Variants in C18orf32 observed in about 807,000 individuals in gnomAD.
C18orf32 encodes the protein UPF0729 protein C18orf32.
Under a neutral mutation model 7.4 loss-of-function variants are expected in C18orf32, and 5 were observed. That is an observed-to-expected ratio of 0.68 (90% CI 0.35 to 1.42). The LOEUF (loss-of-function observed/expected upper bound fraction) is 1.42, where lower values mean the gene tolerates loss of function less well. C18orf32 is among the 40% of genes most tolerant of loss of function. C18orf32 has a pLI of 0.04. For synonymous variants in C18orf32, 30 were observed against 29.3 expected (o/e 1.02, Z -0.08); for missense variants, 88 against 92.4 (o/e 0.95, Z 0.19).
At chr18:49,485,012 G>A (rs1212146283) in intron 1 of C18orf32, among the ~76,000 whole-genome samples, 1 of 151,954 alleles carries the variant, frequency 6.6e-6, no homozygotes, top group East Asian at 1.9e-4. Context: ...AACCCGGGAG[G>A]TAGAGGTTGC....
chr18:49,482,869 G>C (rs574817565), intron 2 of C18orf32, among the ~76,000 whole-genome samples: 21 of 149,374 alleles, frequency 1.4e-4, no homozygotes, highest in Admixed American at 1.3e-3. Context: ...TGTGATCTCG[G>C]CTCACTGAAA....
At position 49,479,130 on chromosome 18, in the gene C18orf32, C is replaced by T. The variant is rs1399526310; in HGVS notation, c.*3215G>A. On this transcript the variant is annotated 3_prime_UTR_variant, in exon 3 of 3. Transcript: ENST00000318240. ...GAAATGAGAAAGGCCTTAGGAGACCCGCAGCTCTCTGGAAAACAGGCTTAA... is the reference window on the plus strand; with the variant it reads ...GAAATGAGAAAGGCCTTAGGAGACCTGCAGCTCTCTGGAAAACAGGCTTAA... The T allele has an allele frequency of 1.3e-5, 2 of 152,148 alleles. No individual in the cohort carries two copies. Among genetic ancestry groups the T allele is most frequent in the Non-Finnish European group, 2.9e-5 (2 of 68,044 alleles). The allele number at this position is 152,148 out of a possible 1,614,324, so 9.4% of individuals were successfully genotyped here.
At position 49,487,067 on chromosome 18, in the gene C18orf32, G is replaced by A. The variant is rs2083766013; in HGVS notation, c.-48C>T. On this transcript the variant is annotated 5_prime_UTR_variant, in exon 1 of 3. Transcript: ENST00000318240. ...CCCTGAGAGCGAAGGCAGGCACCGC[G>A]GAGGCCGGCGGGCCGCGACCGCCGA... is the stretch of plus-strand genomic sequence containing the variant. 6.5e-6 allele frequency: 1 copy of A among 153,520 alleles called. No individual in the cohort carries two copies. The highest frequency in any genetic ancestry group is 2.4e-5 in the African/African-American group (1 of 41,454). 9.5% of individuals were successfully genotyped at this position (153,520 alleles called of 1,614,324 possible).
At position 49,479,627 on chromosome 18, in the gene C18orf32, T is replaced by C. The variant is rs75242487; in HGVS notation, c.*2718A>G. ...AAAAATAAAAGAAGTCAGGTGGAGT[T>C]GGCTGCCTGGAGTGTTCCTTGAGGC... is the stretch of plus-strand genomic sequence containing the variant. On this transcript the variant is annotated 3_prime_UTR_variant, in exon 3 of 3. Transcript: ENST00000318240. 0.049 allele frequency: 7,479 copies of C among 152,524 alleles called. 221 individuals carry two copies. Among genetic ancestry groups the C allele is most frequent in the Middle Eastern group, 0.099 (29 of 292 alleles). The allele number at this position is 152,524 out of a possible 1,614,324, so 9.4% of individuals were successfully genotyped here.
chr18:49,483,575 T>C lies in C18orf32; in HGVS notation c.165+9A>G, dbSNP rs760295150. 2 of 1,588,762 alleles carry C rather than the reference T, an allele frequency of 1.3e-6. No individual in the cohort carries two copies. The highest frequency in any genetic ancestry group is 1.2e-5 in the South Asian group (1 of 86,816). ...ACTGCTCTTATTCAAGGCATGTGAATGTTCTTACCTTAAAGTTTACTTTGC... is the reference window on the plus strand; with the variant it reads ...ACTGCTCTTATTCAAGGCATGTGAACGTTCTTACCTTAAAGTTTACTTTGC... On this transcript the variant is annotated intron_variant, in intron 2 of 2. Transcript: ENST00000318240.
intron 2 of C18orf32, among the ~76,000 whole-genome samples, chr18:49,483,258 A>AT (rs937752155): frequency 2.0e-5 from 3 of 151,710 alleles, no homozygotes; most frequent in African/African-American, 4.9e-5. Flanking sequence ...TTTTAAAAAA[A>AT]TTGTTTTTTT....
At chr18:49,482,436 T>G in intron 2 of C18orf32, 26 bp from the exon 3 acceptor site, 1 of 1,570,334 alleles carries the variant, frequency 6.4e-7, no homozygotes, top group South Asian at 1.1e-5. Context: ...ATTTTAGAAA[T>G]TATCATAACA....
rs1250151246 is a variant in C18orf32, at chr18:49,481,011, T to C, written c.*1334A>G. On this transcript the variant is annotated 3_prime_UTR_variant, in exon 3 of 3. Coordinates refer to ENST00000318240, the MANE Select transcript of C18orf32 (RefSeq NM_001035005.4). ...CCTCTGTGGAGCTGGAATAAGGGAATGAGAGTTGAGAAAAAACATTCGCTT... is the reference window on the plus strand; with the variant it reads ...CCTCTGTGGAGCTGGAATAAGGGAACGAGAGTTGAGAAAAAACATTCGCTT... 2 of 152,148 alleles carry C rather than the reference T, an allele frequency of 1.3e-5. No individual in the cohort carries two copies. Among genetic ancestry groups the C allele is most frequent in the Non-Finnish European group, 2.9e-5 (2 of 68,030 alleles). 9.4% of individuals were successfully genotyped at this position (152,148 alleles called of 1,614,324 possible).
chr18:49,487,002 GGGGCGGA>G (rs1045952039), intron 1 of C18orf32, 34 bp downstream of exon 1: 2 of 151,888 alleles, frequency 1.3e-5, no homozygotes, highest in African/African-American at 4.8e-5. Flanking sequence ...AGGGGAGGGC[GGGGCGGA>G]GGGCGGAGGA....
intron 2 of C18orf32, among the ~76,000 whole-genome samples, chr18:49,482,806 T>C (rs2083680010): frequency 6.6e-6 from 1 of 150,652 alleles, no homozygotes; most frequent in Non-Finnish European, 1.5e-5. Flanking sequence ...CTCTCTTTTT[T>C]TTTTTTTTTG....
At position 49,483,791 on chromosome 18, in the gene C18orf32, A is replaced by G. The variant is rs761794204; in HGVS notation, c.-23-20T>C. The G allele has an allele frequency of 3.0e-5, 48 of 1,583,022 alleles. No individual in the cohort carries two copies. Among genetic ancestry groups the G allele is most frequent in the Non-Finnish European group, 3.3e-5 (39 of 1,173,010 alleles). ...CCTCAACTGTTGATATATGTGAAGA[A>G]AAAAATTAGTTCATCACAGATTAGT... On this transcript the variant is annotated intron_variant, in intron 1 of 2. Coordinates refer to ENST00000318240, the MANE Select transcript of C18orf32 (RefSeq NM_001035005.4).
chr18:49,480,752 C>CAA lies in C18orf32; in HGVS notation c.*1592_*1593insTT, dbSNP rs1256365088. 2.6e-5 allele frequency: 4 copies of CAA among 152,034 alleles called. No individual in the cohort carries two copies. Among genetic ancestry groups the CAA allele is most frequent in the Non-Finnish European group, 5.9e-5 (4 of 68,014 alleles). 9.4% of individuals were successfully genotyped at this position (152,034 alleles called of 1,614,324 possible). A position where few individuals can be genotyped will look rare whatever the true frequency, so the allele number is the denominator to read the frequency against. On this transcript the variant is annotated 3_prime_UTR_variant, in exon 3 of 3. Transcript: ENST00000318240. Reference sequence around the variant, plus strand: ...TGCTGCTGCACTCCAGCTTGAGTGACAGAGTGAGACCCTGTCTCAAAAACA... The same window carrying CAA: ...TGCTGCTGCACTCCAGCTTGAGTGACAAAGAGTGAGACCCTGTCTCAAAAACA...
chr18:49,486,986 G>C (rs2083762111), intron 1 of C18orf32, 57 bp downstream of exon 1: 1 of 152,022 alleles, frequency 6.6e-6, no homozygotes, highest in Non-Finnish European at 1.5e-5. Context: ...AATACAGACA[G>C]AGGGGAGGGG....
chr18:49,482,526 A>G (rs946156816), intron 2 of C18orf32, 116 bp from the exon 3 acceptor site: 3 of 676,182 alleles, frequency 4.4e-6, no homozygotes, highest in Non-Finnish European at 7.7e-6. Flanking sequence ...CAGAAGATCG[A>G]GACCATCCTG....
At chr18:49,482,747 AAAAG>A (rs1469970573) in intron 2 of C18orf32, among the ~76,000 whole-genome samples, 3 of 151,408 alleles carry the variant, frequency 2.0e-5, no homozygotes, top group Middle Eastern at 3.4e-3. Context: ...CAAAAAAAAA[AAAAG>A]AAAGAAATTA....
Position 49,478,724 on chromosome 18 carries a change from G to A in C18orf32, c.*3621C>T, listed in dbSNP as rs910271892. 1.3e-5 allele frequency: 2 copies of A among 150,390 alleles called. No homozygotes were observed. The highest frequency in any genetic ancestry group is 2.9e-5 in the Non-Finnish European group (2 of 68,032). The allele number at this position is 150,390 out of a possible 1,614,324, so 9.3% of individuals were successfully genotyped here. ...CACAGACAGATGTTGATATTTTAGG[G>A]CAAAGAAACATTTGTGTGGTATCAA... On this transcript the variant is annotated 3_prime_UTR_variant, in exon 3 of 3. Transcript: ENST00000318240.
rs7241003 is a variant in C18orf32, at chr18:49,480,016, G to C, written c.*2329C>G. 0.47 allele frequency: 70,906 copies of C among 152,130 alleles called. 16,923 individuals carry two copies. Among genetic ancestry groups the C allele is most frequent in the African/African-American group, 0.57 (23,662 of 41,476 alleles). 9.4% of individuals were successfully genotyped at this position (152,130 alleles called of 1,614,324 possible). On this transcript the variant is annotated 3_prime_UTR_variant, in exon 3 of 3. Coordinates refer to ENST00000318240, the MANE Select transcript of C18orf32 (RefSeq NM_001035005.4). Reference sequence around the variant, plus strand: ...TCAACCATTATGGGAAACAATGTCTGAAGTTGATGGCTCAAAATATAACAG... The same window carrying C: ...TCAACCATTATGGGAAACAATGTCTCAAGTTGATGGCTCAAAATATAACAG...
At chr18:49,486,379 GCA>G (rs2083745361) in intron 1 of C18orf32, 2 of 152,050 alleles carry the variant, frequency 1.3e-5, no homozygotes, top group African/African-American at 4.8e-5. Flanking sequence ...AAGTAAGTTC[GCA>G]CACAGTACGA....
chr18:49,483,022 C>T (rs1461112120), intron 2 of C18orf32, among the ~76,000 whole-genome samples: 3 of 152,120 alleles, frequency 2.0e-5, no homozygotes, highest in Non-Finnish European at 4.4e-5. Context: ...TGGTCTCAAA[C>T]TCCTGACCTC....
Sources: allele counts gnomAD v4.1 joint callset (sites outside exome capture counted in the v4.1 genomes callset), GRCh38; gene constraint gnomAD v4.1.1; transcripts MANE v1.5; gene names NCBI Gene and HGNC (gene_info 2026-07-23, HGNC 2026-07-21).